Variants in YBX3 observed in about 807,000 individuals in gnomAD.
YBX3 encodes Y-box-binding protein 3.
Under a neutral mutation model 42.4 loss-of-function variants are expected in YBX3, and 29 were observed. The ratio of observed to expected loss-of-function variants is 0.68; its 90% CI spans 0.51 to 0.93. The LOEUF (loss-of-function observed/expected upper bound fraction) is 0.93, where lower values mean the gene tolerates loss of function less well. YBX3 is among the 40% of genes least tolerant of loss of function. YBX3 has a pLI of 0.00. For missense variants in YBX3, 517 were observed against 527.5 expected (o/e 0.98, Z 0.19); for synonymous variants, 195 against 189.8 (o/e 1.03, Z -0.22).
chr12:10,709,740 A>G (rs1948176881), intron 6 of YBX3, among the ~76,000 whole-genome samples, 168 bp downstream of exon 6: 1 of 152,248 alleles, frequency 6.6e-6, no homozygotes, highest in Non-Finnish European at 1.5e-5. Context: ...TGTTACCGGA[A>G]TGACTGCTTT....
intron 4 of YBX3, among the ~76,000 whole-genome samples, 180 bp from the exon 5 acceptor site, chr12:10,713,513 C>T (rs1008647079): frequency 1.3e-5 from 2 of 152,206 alleles, no homozygotes; most frequent in Non-Finnish European, 2.9e-5. Context: ...CTGATTTAAA[C>T]ATATATGGCT....
chr12:10,708,453 T>C (rs978252446), intron 6 of YBX3, among the ~76,000 whole-genome samples: 1 of 152,228 alleles, frequency 6.6e-6, no homozygotes, highest in Admixed American at 6.5e-5. Context: ...GAGAACACAC[T>C]GACAACCTTG....
At chr12:10,715,629 G>T in intron 4 of YBX3, 65 bp downstream of exon 4, 1 of 1,375,078 alleles carries the variant, frequency 7.3e-7, no homozygotes, top group Non-Finnish European at 1.0e-6. Context: ...GGGGCTGATA[G>T]ATAATTTATT....
intron 5 of YBX3, chr12:10,710,575 T>A: frequency 1.6e-6 from 2 of 1,244,508 alleles, no homozygotes; most frequent in South Asian, 1.4e-5. Context: ...GTCTGTAAAG[T>A]GTGGATGGGA....
chr12:10,718,933 AC>A, intron 2 of YBX3, 146 bp downstream of exon 2: 1 of 659,892 alleles, frequency 1.5e-6, no homozygotes, highest in Admixed American at 3.2e-5. Flanking sequence ...ATATTTAACA[AC>A]CAGTAGCTTA....
At chr12:10,721,649 G>C (rs1411675801) in intron 1 of YBX3, among the ~76,000 whole-genome samples, 1 of 152,018 alleles carries the variant, frequency 6.6e-6, no homozygotes, top group Non-Finnish European at 1.5e-5. Context: ...AAAAAAACAA[G>C]AAAATAGTCC....
At chr12:10,706,658 T>C (rs1299935705) in intron 6 of YBX3, among the ~76,000 whole-genome samples, 1 of 152,156 alleles carries the variant, frequency 6.6e-6, no homozygotes, top group East Asian at 1.9e-4. Flanking sequence ...TAGGACCCTA[T>C]TTCCACCTAC....
intron 4 of YBX3, among the ~76,000 whole-genome samples, chr12:10,713,840 T>C (rs745460376): frequency 1.3e-5 from 2 of 152,242 alleles, no homozygotes; most frequent in Non-Finnish European, 2.9e-5. Flanking sequence ...GAAAGGGTCT[T>C]TGATGAATAA....
At chr12:10,716,313 A>G (rs2120970936) in intron 3 of YBX3, among the ~76,000 whole-genome samples, 1 of 152,314 alleles carries the variant, frequency 6.6e-6, no homozygotes, top group South Asian at 2.1e-4. Flanking sequence ...TAACAGTTAA[A>G]GTGATTTATC....
chr12:10,716,203 T>A lies in YBX3; in HGVS notation c.361-420A>T, dbSNP rs2120970416. ...ATTAAAATGCCAAGGGGATAAATAT[T>A]TCTGACGAGTAAACAAAATTATCTC... On this transcript the variant is annotated intron_variant, in intron 3 of 9. Coordinates refer to ENST00000228251, the MANE Select transcript of YBX3 (RefSeq NM_003651.5). 2.3e-5 allele frequency: 4 copies of A among 171,664 alleles called. No individual in the cohort carries two copies. The South Asian group carries it at 5.8e-4, about 25-fold the overall frequency. 10.6% of individuals were successfully genotyped at this position (171,664 alleles called of 1,614,324 possible).
chr12:10,712,981 A>G, intron 5 of YBX3: 1 of 506,544 alleles, frequency 2.0e-6, no homozygotes, highest in East Asian at 3.5e-5. Flanking sequence ...AATCACCACT[A>G]AAGAACTTAT....
chr12:10,709,103 G>A, intron 6 of YBX3, among the ~76,000 whole-genome samples: 1 of 152,158 alleles, frequency 6.6e-6, no homozygotes, highest in East Asian at 1.9e-4. Context: ...ATGCATGATG[G>A]GACAGGAGAA....
Position 10,713,336 on chromosome 12 carries a change from G to A in YBX3, c.451-3C>T, listed in dbSNP as rs1000858380. The A allele has an allele frequency of 6.2e-7, 1 of 1,608,824 alleles. No homozygotes were observed. Among genetic ancestry groups the A allele is most frequent in the African/African-American group, 1.3e-5 (1 of 74,396 alleles). On this transcript the variant is annotated splice_polypyrimidine_tract_variant and splice_region_variant and intron_variant, in intron 4 of 9. Coordinates refer to ENST00000228251, the MANE Select transcript of YBX3 (RefSeq NM_003651.5). Reference sequence around the variant, plus strand: ...GTCACATTGGCAGCTTCTGCACCCTGAGAAGAAAATAAAAAGATGGCCTCA... The same window carrying A: ...GTCACATTGGCAGCTTCTGCACCCTAAGAAGAAAATAAAAAGATGGCCTCA...
At chr12:10,714,422 T>C (rs1296919125) in intron 4 of YBX3, among the ~76,000 whole-genome samples, 2 of 152,174 alleles carry the variant, frequency 1.3e-5, no homozygotes, top group African/African-American at 2.4e-5. Context: ...TACTAGTATC[T>C]ATAACAGACT....
At chr12:10,706,894 G>A (rs1309720459) in intron 6 of YBX3, among the ~76,000 whole-genome samples, 1 of 152,092 alleles carries the variant, frequency 6.6e-6, no homozygotes, top group Non-Finnish European at 1.5e-5. Flanking sequence ...GCGGGTGCCT[G>A]TAGTCCCAGC....
intron 7 of YBX3, chr12:10,703,847 A>C (rs1192991315): frequency 1.9e-6 from 1 of 517,778 alleles, no homozygotes; most frequent in Admixed American, 3.5e-5. Flanking sequence ...ATACAAAATG[A>C]CGCTTTGGCG....
chr12:10,702,482 C>T (rs2120902751), intron 7 of YBX3: 1 of 158,294 alleles, frequency 6.3e-6, no homozygotes, highest in Admixed American at 6.5e-5. Flanking sequence ...GATTGGCACA[C>T]TCCAGCCTGG....
rs1488317253 is a variant in YBX3, at chr12:10,710,007, C to T, written c.681G>A (p.Gln227=). 2 of 1,612,318 alleles carry T rather than the reference C, an allele frequency of 1.2e-6. No homozygotes were observed. Among genetic ancestry groups the T allele is most frequent in the Admixed American group, 1.7e-5 (1 of 59,994 alleles). Residue 227 remains glutamine, a synonymous_variant, in exon 6 of 10, where the codon CAG becomes CAA. Coordinates refer to ENST00000228251, the MANE Select transcript of YBX3 (RefSeq NM_003651.5). ...GCCGCTGCCGGTACTGAGGGCGATA[C>T]TGGGGGCGGCGCAGCTGATTCCGGG... is the stretch of plus-strand genomic sequence containing the variant. The part of the protein sequence containing the change: ...SGARNQLRRP[Q]YRPQYRQRRF...
At chr12:10,722,604 C>G (rs1222050524) in intron 1 of YBX3, among the ~76,000 whole-genome samples, 2 of 152,250 alleles carry the variant, frequency 1.3e-5, no homozygotes, top group East Asian at 1.9e-4. Flanking sequence ...GGCCCGGAAC[C>G]AGAAGGGAGA....
Sources: allele counts gnomAD v4.1 joint callset (sites outside exome capture counted in the v4.1 genomes callset), GRCh38; gene constraint gnomAD v4.1.1; transcripts MANE v1.5; gene names NCBI Gene and HGNC (gene_info 2026-07-23, HGNC 2026-07-21).